PTPRD: variants seen among roughly 807,000 people sequenced by gnomAD.
PTPRD encodes protein tyrosine phosphatase receptor type D, also known as receptor-type tyrosine-protein phosphatase delta.
PTPRD carries 34 observed loss-of-function variants against 214.5 expected under a neutral mutation model. The ratio of observed to expected loss-of-function variants is 0.16; its 90% CI spans 0.12 to 0.21. The LOEUF (loss-of-function observed/expected upper bound fraction) is 0.21. PTPRD is among the 10% of genes least tolerant of loss of function. The pLI is 1.00. For missense variants in PTPRD, 2,545 were observed against 2,398.7 expected (o/e 1.06, Z -1.27); for synonymous variants, 1,128 against 845.7 (o/e 1.33, Z -5.79).
chr9:9,089,704 G>A (rs996864860), intron 10 of PTPRD, among the ~76,000 whole-genome samples: 1 of 152,130 alleles, frequency 6.6e-6, no homozygotes, highest in South Asian at 2.1e-4. Context: ...ATTTTATAAT[G>A]CAGAGTAAGA....
intron 36 of PTPRD, among the ~76,000 whole-genome samples, chr9:8,392,184 A>C (rs1041341194): frequency 2.0e-5 from 3 of 152,156 alleles, no homozygotes; most frequent in Non-Finnish European, 4.4e-5. Flanking sequence ...CAGGAGTCTG[A>C]GCCAGTCTGA....
At chr9:9,467,531 G>A (rs376553745) in intron 8 of PTPRD, among the ~76,000 whole-genome samples, 6 of 135,264 alleles carry the variant, frequency 4.4e-5, no homozygotes, top group Non-Finnish European at 9.2e-5. Flanking sequence ...AGGCTGCAGT[G>A]AGCCGAGATT....
At chr9:9,286,512 T>G (rs1357244543) in intron 9 of PTPRD, among the ~76,000 whole-genome samples, 1 of 151,776 alleles carries the variant, frequency 6.6e-6, no homozygotes, top group Non-Finnish European at 1.5e-5. Flanking sequence ...CAACTCTGAG[T>G]TTTGAACACA....
At chr9:9,108,771 T>C (rs544163049) in intron 10 of PTPRD, among the ~76,000 whole-genome samples, 67 of 152,314 alleles carry the variant, frequency 4.4e-4, no homozygotes, top group African/African-American at 1.3e-3. Flanking sequence ...TAATCATCTC[T>C]GCCTAGTGCT....
intron 4 of PTPRD, among the ~76,000 whole-genome samples, chr9:9,955,521 G>GTTTTTTTTTTT (rs1194987444): frequency 6.9e-6 from 1 of 145,546 alleles, no homozygotes; most frequent in African/African-American, 2.6e-5. Flanking sequence ...GTTTTGTTTT[G>GTTTTTTTTTTT]TTTTGTTTTT....
chr9:9,478,640 G>C (rs531102886), intron 8 of PTPRD, among the ~76,000 whole-genome samples: 1 of 152,230 alleles, frequency 6.6e-6, no homozygotes, highest in African/African-American at 2.4e-5. Flanking sequence ...CAAAGAGTTA[G>C]CCTTTTGTAA....
At chr9:10,547,217 T>TTTCACAAA (rs1419184232) in intron 2 of PTPRD, among the ~76,000 whole-genome samples, 1 of 152,142 alleles carries the variant, frequency 6.6e-6, no homozygotes, top group East Asian at 1.9e-4. Flanking sequence ...TCATTTACAA[T>TTTCACAAA]TTCACAAATT....
intron 7 of PTPRD, among the ~76,000 whole-genome samples, chr9:9,649,988 G>A (rs1444873267): frequency 2.6e-5 from 4 of 152,256 alleles, no homozygotes; most frequent in African/African-American, 9.6e-5. Context: ...ATGAAAGCAT[G>A]CCAGGGGTAG....
intron 8 of PTPRD, among the ~76,000 whole-genome samples, chr9:9,461,222 A>G (rs540891036): frequency 2.6e-5 from 4 of 152,146 alleles, no homozygotes; most frequent in Non-Finnish European, 5.9e-5. Flanking sequence ...CCTATTTGGT[A>G]CTATGTTCAC....
chr9:8,933,718 A>G (rs182416994), intron 11 of PTPRD, among the ~76,000 whole-genome samples: 101 of 152,256 alleles, frequency 6.6e-4, no homozygotes, highest in Non-Finnish European at 3.1e-4. Context: ...AGCCAAGTCT[A>G]TTTTGGGGTT....
intron 2 of PTPRD, among the ~76,000 whole-genome samples, chr9:10,451,411 C>A (rs1323963972): frequency 6.6e-6 from 1 of 151,572 alleles, no homozygotes; most frequent in Non-Finnish European, 1.5e-5. Flanking sequence ...GCAATTGTGG[C>A]TTTTTCTTTT....
At chr9:9,193,272 G>C (rs988654701) in intron 9 of PTPRD, among the ~76,000 whole-genome samples, 2 of 152,104 alleles carry the variant, frequency 1.3e-5, no homozygotes, top group African/African-American at 4.8e-5. Context: ...CTCAAGGTCA[G>C]ATACAATCTT....
intron 31 of PTPRD, 61 bp downstream of exon 31, chr9:8,470,934 G>A (rs2096641583): frequency 6.9e-7 from 1 of 1,454,620 alleles, no homozygotes; most frequent in Non-Finnish European, 9.7e-7. Flanking sequence ...CAAGGGAGGG[G>A]GGCGGAAATG....
chr9:8,701,463 C>T (rs1597379799), intron 12 of PTPRD: 1 of 152,036 alleles, frequency 6.6e-6, no homozygotes, highest in Non-Finnish European at 1.5e-5. Flanking sequence ...GGAGAAACCC[C>T]GTCTCTACCA....
chr9:8,511,818 A>C (rs1284118626), intron 21 of PTPRD, among the ~76,000 whole-genome samples: 1 of 152,162 alleles, frequency 6.6e-6, no homozygotes, highest in Non-Finnish European at 1.5e-5. Context: ...TGAGCTATCG[A>C]GTCCCTAAAA....
At chr9:10,217,278 C>T (rs1470209057) in intron 3 of PTPRD, among the ~76,000 whole-genome samples, 3 of 151,508 alleles carry the variant, frequency 2.0e-5, no homozygotes, top group African/African-American at 7.3e-5. Context: ...TCTTCCAGGC[C>T]AACACAGACA....
intron 7 of PTPRD, among the ~76,000 whole-genome samples, chr9:9,709,467 C>A (rs1472457853): frequency 6.6e-6 from 1 of 151,728 alleles, no homozygotes; most frequent in African/African-American, 2.4e-5. Context: ...TAGACCTGAA[C>A]AATAAAAAAC....
At chr9:9,099,442 C>T (rs2099788272) in intron 10 of PTPRD, among the ~76,000 whole-genome samples, 1 of 152,080 alleles carries the variant, frequency 6.6e-6, no homozygotes, top group African/African-American at 2.4e-5. Flanking sequence ...CTGTATCAGT[C>T]TTAGGATTTA....
chr9:10,265,157 T>C (rs77191260), intron 3 of PTPRD, among the ~76,000 whole-genome samples: 12,536 of 152,202 alleles, frequency 0.082, 666 homozygotes, highest in Non-Finnish European at 0.11. Context: ...TGACTCCCTT[T>C]AGTCAATGAG....
Sources: allele counts gnomAD v4.1 joint callset (sites outside exome capture counted in the v4.1 genomes callset), GRCh38; gene constraint gnomAD v4.1.1; transcripts MANE v1.5; gene names NCBI Gene and HGNC (gene_info 2026-07-23, HGNC 2026-07-21).